Variants in STPG2 observed in about 807,000 individuals in gnomAD.
STPG2 encodes sperm tail PG-rich repeat containing 2.
STPG2 carries 56 observed loss-of-function variants against 54.2 expected under a neutral mutation model. That is an observed-to-expected ratio of 1.03 (90% CI 0.83 to 1.29). The LOEUF (loss-of-function observed/expected upper bound fraction) is 1.29, where lower values mean the gene tolerates loss of function less well. STPG2 is among the 50% of genes most tolerant of loss of function. The pLI is 0.00. For synonymous variants in STPG2, 200 were observed against 181.8 expected, an observed-to-expected ratio of 1.10 and a Z score of -0.81; for missense variants, 596 against 544.9, an observed-to-expected ratio of 1.09 and a Z score of -0.93.
intron 10 of STPG2, among the ~76,000 whole-genome samples, chr4:97,680,407 C>T (rs1053623689): frequency 4.6e-5 from 7 of 152,028 alleles, no homozygotes; most frequent in African/African-American, 1.7e-4. Context: ...TGGGAGTTCA[C>T]TCATGATTTG....
chr4:98,092,428 T>C (rs1738720250), intron 5 of STPG2, among the ~76,000 whole-genome samples: 1 of 151,982 alleles, frequency 6.6e-6, no homozygotes, highest in Non-Finnish European at 1.5e-5. Context: ...CTACCACATA[T>C]TACTAACAGT....
intron 4 of STPG2, among the ~76,000 whole-genome samples, chr4:97,477,529 T>C (rs1730104319): frequency 6.7e-6 from 1 of 148,930 alleles, no homozygotes; most frequent in African/African-American, 2.5e-5. Context: ...CAGGCAGGAG[T>C]GCAGTGGCAC....
At chr4:97,614,286 C>A (rs1333830426) in intron 10 of STPG2, among the ~76,000 whole-genome samples, 2 of 133,410 alleles carry the variant, frequency 1.5e-5, no homozygotes, top group Non-Finnish European at 3.2e-5. Flanking sequence ...AAAATATGTG[C>A]CCTCTAAAGA....
intron 6 of STPG2, among the ~76,000 whole-genome samples, chr4:97,974,130 G>T (rs1734427798): frequency 6.6e-6 from 1 of 152,212 alleles, no homozygotes; most frequent in Non-Finnish European, 1.5e-5. Flanking sequence ...GCATGACCTG[G>T]ATGTGAGACA....
In STPG2 at chr4:98,014,097, G is replaced by T. The variant is rs1050334083; in HGVS notation, c.613-32779C>A. Among the ~76,000 whole-genome samples the T allele has an allele frequency of 2.0e-5, 3 of 152,196 alleles. No homozygotes were observed. In the East Asian group the frequency reaches 5.8e-4, roughly 29 times the overall value. ...TTTGAGATCCTTCTATCTTTCCCTT[G>T]TGGGCATTTAGTGCTATAAATTTCC... On this transcript the variant is annotated intron_variant, in intron 5 of 10. Transcript: ENST00000295268.
intron 4 of STPG2, among the ~76,000 whole-genome samples, chr4:97,477,199 T>C (rs1006740873): frequency 6.6e-6 from 1 of 152,214 alleles, no homozygotes; most frequent in Non-Finnish European, 1.5e-5. Context: ...TATTTTATTT[T>C]ACAGTAGCTT....
chr4:97,806,106 T>A (rs543111639), intron 9 of STPG2, among the ~76,000 whole-genome samples: 4 of 152,262 alleles, frequency 2.6e-5, no homozygotes, highest in African/African-American at 9.6e-5. Context: ...TTAACCTAGA[T>A]GCCCAACAGT....
chr4:97,758,974 G>GA (rs1003687451), intron 9 of STPG2, among the ~76,000 whole-genome samples: 4 of 151,588 alleles, frequency 2.6e-5, no homozygotes, highest in East Asian at 1.9e-4. Flanking sequence ...GCAAAAGACA[G>GA]AAAAAAAATG....
chr4:97,450,137 A>G (rs1560613226), intron 4 of STPG2, among the ~76,000 whole-genome samples: 1 of 152,174 alleles, frequency 6.6e-6, no homozygotes, highest in African/African-American at 2.4e-5. Context: ...AATTATACAT[A>G]TAAGTCCGAT....
At chr4:97,706,259 T>C (rs1182323362) in intron 10 of STPG2, among the ~76,000 whole-genome samples, 1 of 152,150 alleles carries the variant, frequency 6.6e-6, no homozygotes, top group Admixed American at 6.6e-5. Context: ...TAGGGACCAA[T>C]ATAGAGACTA....
At chr4:97,944,920 A>G (rs1332236476) in intron 7 of STPG2, among the ~76,000 whole-genome samples, 3 of 152,206 alleles carry the variant, frequency 2.0e-5, no homozygotes, top group African/African-American at 7.2e-5. Context: ...GGTAGCTTCT[A>G]TCACTTTCAA....
chr4:97,511,455 A>G (rs1223186926), intron 4 of STPG2, among the ~76,000 whole-genome samples: 2 of 152,066 alleles, frequency 1.3e-5, no homozygotes, highest in Non-Finnish European at 2.9e-5. Flanking sequence ...TCCAAAATAT[A>G]TAAAGAAAAT....
rs148258509 is a variant in STPG2, at chr4:97,985,270, T to C, written c.613-3952A>G. ...ACTTGAGGAATTAAAATATATATAT[T>C]ACTGTTTAGGCCCTATTCTGAACCA... On this transcript the variant is annotated intron_variant, in intron 5 of 10. Coordinates refer to ENST00000295268, the MANE Select transcript of STPG2 (RefSeq NM_174952.3). Among the ~76,000 whole-genome samples, 437 of 152,248 alleles carry C rather than the reference T, an allele frequency of 2.9e-3. 3 individuals are homozygous for C. Among genetic ancestry groups the C allele is most frequent in the African/African-American group, 9.9e-3 (411 of 41,546 alleles).
At chr4:97,853,417 A>T (rs920829600) in intron 8 of STPG2, among the ~76,000 whole-genome samples, 1 of 152,234 alleles carries the variant, frequency 6.6e-6, no homozygotes, top group Non-Finnish European at 1.5e-5. Context: ...CCCAGAACTG[A>T]AAGTAAAATA....
intron 5 of STPG2, among the ~76,000 whole-genome samples, chr4:98,051,933 C>A (rs1248808666): frequency 6.6e-6 from 1 of 151,768 alleles, no homozygotes; most frequent in Non-Finnish European, 1.5e-5. Flanking sequence ...ACTAAAAATA[C>A]AAAATTAGCC....
chr4:97,662,029 A>C (rs1485363431), intron 10 of STPG2, among the ~76,000 whole-genome samples: 2 of 152,178 alleles, frequency 1.3e-5, no homozygotes, highest in Non-Finnish European at 2.9e-5. Context: ...ATGAACCTCG[A>C]CACATAGGAC....
chr4:97,722,377 T>C (rs1248241655), intron 9 of STPG2, among the ~76,000 whole-genome samples: 1 of 152,180 alleles, frequency 6.6e-6, no homozygotes, highest in Non-Finnish European at 1.5e-5. Flanking sequence ...TTTTATAAAA[T>C]GAATTTATCC....
intron 10 of STPG2, among the ~76,000 whole-genome samples, chr4:97,689,419 CTT>C (rs1185911644): frequency 6.6e-6 from 1 of 152,116 alleles, no homozygotes; most frequent in African/African-American, 2.4e-5. Context: ...CTTACTCTCT[CTT>C]AACAGTTTAT....
intron 8 of STPG2, among the ~76,000 whole-genome samples, chr4:97,909,042 T>TAATAAG (rs1560584110): frequency 6.8e-6 from 1 of 147,292 alleles, no homozygotes; most frequent in African/African-American, 2.5e-5. Flanking sequence ...ATAATAATAA[T>TAATAAG]AAGTTGTGGC....
Sources: gnomAD v4.1 joint callset for allele counts (sites outside exome capture counted in the v4.1 genomes callset) on GRCh38, gnomAD v4.1.1 for gene constraint, MANE v1.5 for transcripts, NCBI Gene and HGNC (gene_info 2026-07-23, HGNC 2026-07-21) for gene names.